DNAJB1: variants seen among roughly 807,000 people sequenced by gnomAD.
DNAJB1 encodes DnaJ heat shock protein family (Hsp40) member B1, also known as dnaJ homolog subfamily B member 1.
DNAJB1 carries 14 observed loss-of-function variants against 24.0 expected under a neutral mutation model. The observed-to-expected ratio is 0.58, with a 90% CI of 0.39 to 0.91. The LOEUF (loss-of-function observed/expected upper bound fraction) is 0.91. Among genes scored for constraint, DNAJB1 ranks in the 40% least tolerant of loss-of-function variants. DNAJB1 has a pLI of 0.00. For missense variants in DNAJB1, 517 were observed against 458.1 expected (o/e 1.13, Z -1.17); for synonymous variants, 262 against 174.4 (o/e 1.50, Z -3.96).
At chr19:14,548,181 G>C (rs12460210) in intron 1 of DNAJB1, among the ~76,000 whole-genome samples, 29,071 of 151,620 alleles carry the variant, frequency 0.19, 3,350 homozygotes, top group South Asian at 0.42. Flanking sequence ...CCAGGATCGT[G>C]TCGATCTCCT....
chr19:14,546,642 A>G (rs1352766064), intron 1 of DNAJB1, among the ~76,000 whole-genome samples: 2 of 152,052 alleles, frequency 1.3e-5, no homozygotes, highest in Non-Finnish European at 2.9e-5. Flanking sequence ...TTTTCTTTCT[A>G]TGCTTAGAAC....
chr19:14,522,922 G>A (rs1290609609), upstream of DNAJB1, among the ~76,000 whole-genome samples: 1 of 152,006 alleles, frequency 6.6e-6, no homozygotes, highest in African/African-American at 2.4e-5. Context: ...TTGGAGATAA[G>A]AGTAGATTAG....
upstream of DNAJB1, chr19:14,529,693 A>G: frequency 1.2e-6 from 2 of 1,614,046 alleles, no homozygotes; most frequent in East Asian, 4.5e-5. Context: ...CGTGGGAGGG[A>G]GCCATGAAGC....
chr19:14,529,680 C>T (rs1275266200), upstream of DNAJB1: 13 of 1,613,910 alleles, frequency 8.1e-6, no homozygotes, highest in Admixed American at 3.3e-5. Flanking sequence ...GAGCAGTAGC[C>T]GCCGTGGGAG....
At chr19:14,526,716 A>G (rs1032595460) in intron 2 of DNAJB1, among the ~76,000 whole-genome samples, 2 of 152,194 alleles carry the variant, frequency 1.3e-5, no homozygotes, top group African/African-American at 4.8e-5. Flanking sequence ...AATGACACCT[A>G]CTTGTACACC....
intron 1 of DNAJB1, among the ~76,000 whole-genome samples, chr19:14,542,447 C>T (rs867155691): frequency 1.3e-5 from 2 of 148,270 alleles, no homozygotes; most frequent in Non-Finnish European, 1.5e-5. Flanking sequence ...CTGCAACCTC[C>T]GCCTCCCGGG....
chr19:14,529,438 G>T (rs190489162), upstream of DNAJB1: 402 of 621,882 alleles, frequency 6.5e-4, no homozygotes, highest in African/African-American at 6.6e-3. Flanking sequence ...CGCCCCCTTC[G>T]ATTGGTCTCG....
intron 1 of DNAJB1, among the ~76,000 whole-genome samples, chr19:14,543,421 T>TA (rs1568406080): frequency 1.7e-3 from 12 of 6,902 alleles, no homozygotes; most frequent in African/African-American, 2.5e-3. Context: ...ATATATATAT[T>TA]TTTTTTTTTT....
chr19:14,534,996 G>A (rs888153759), intron 1 of DNAJB1, among the ~76,000 whole-genome samples: 1 of 152,058 alleles, frequency 6.6e-6, no homozygotes, highest in African/African-American at 2.4e-5. Context: ...AGGTGCTGCG[G>A]GTCAGTGTGG....
At chr19:14,543,304 G>A (rs1282055672) in intron 1 of DNAJB1, among the ~76,000 whole-genome samples, 5 of 63,412 alleles carry the variant, frequency 7.9e-5, no homozygotes, top group African/African-American at 2.4e-4. Context: ...GGGTGGGGGT[G>A]TGTGTGTGTG....
intron 1 of DNAJB1, among the ~76,000 whole-genome samples, chr19:14,538,199 C>A (rs2072973086): frequency 6.6e-6 from 1 of 152,186 alleles, no homozygotes; most frequent in African/African-American, 2.4e-5. Context: ...TGGGATTCTT[C>A]TAGAACCAGA....
At chr19:14,520,971 T>G (rs368695726), upstream of DNAJB1, among the ~76,000 whole-genome samples, 1 of 152,160 alleles carries the variant, frequency 6.6e-6, no homozygotes, top group Non-Finnish European at 1.5e-5. Context: ...CCAGCCTGGA[T>G]GACAGTGAGA....
At chr19:14,550,971 C>T (rs948333595), upstream of DNAJB1, among the ~76,000 whole-genome samples, 8 of 151,748 alleles carry the variant, frequency 5.3e-5, no homozygotes, top group Admixed American at 1.3e-4. Context: ...CACACCCGGC[C>T]GCTCCTTTTA....
chr19:14,533,492 T>A (rs764707182), upstream of DNAJB1, among the ~76,000 whole-genome samples: 1 of 152,142 alleles, frequency 6.6e-6, no homozygotes, highest in Non-Finnish European at 1.5e-5. Context: ...CAGTCTGTTG[T>A]CCACTGAAAG....
chr19:14,519,988 C>A (rs1308468289), upstream of DNAJB1, among the ~76,000 whole-genome samples: 1 of 152,142 alleles, frequency 6.6e-6, no homozygotes, highest in Non-Finnish European at 1.5e-5. Context: ...GTAACACTGG[C>A]TCTGGAACCA....
rs775122962 is a variant in DNAJB1 at position 14,516,503 on chromosome 19, G to A, written c.755C>T (p.Ser252Phe). The change falls in exon 2 of 3, where the codon TCT becomes TTT. Residue 252 changes from serine (S) to phenylalanine (F), a missense_variant. Coordinates refer to ENST00000254322, the MANE Select transcript of DNAJB1 (RefSeq NM_006145.3). ...KPHNIFKRDG[S>F]DVIYPARISL... ...GATCCTGGCAGGATAAATGACATCA[G>A]AGCCATCTCTCTTAAAGATATTGTG... The A allele has an allele frequency of 7.4e-6, 12 of 1,614,064 alleles. No individual in the cohort carries two copies. The highest frequency in any genetic ancestry group is 1.0e-5 in the Non-Finnish European group (12 of 1,179,918).
At chr19:14,529,697 A>G, upstream of DNAJB1, 4 of 1,614,106 alleles carry the variant, frequency 2.5e-6, no homozygotes, top group Non-Finnish European at 3.4e-6. Flanking sequence ...GGAGGGAGCC[A>G]TGAAGCATTA....
At chr19:14,518,461 C>A, upstream of DNAJB1, 3 of 846,976 alleles carry the variant, frequency 3.5e-6, no homozygotes, top group Non-Finnish European at 4.7e-6. Flanking sequence ...CCGCCAGCCC[C>A]CTCCAGAACC....
intron 1 of DNAJB1, among the ~76,000 whole-genome samples, chr19:14,546,614 A>C (rs991101946): frequency 9.9e-5 from 15 of 152,144 alleles, no homozygotes; most frequent in Non-Finnish European, 2.1e-4. Flanking sequence ...TGCATGCACT[A>C]CCGTGTCTAG....
Sources: allele counts gnomAD v4.1 joint callset (sites outside exome capture counted in the v4.1 genomes callset), GRCh38; gene constraint gnomAD v4.1.1; transcripts MANE v1.5; gene names NCBI Gene and HGNC (gene_info 2026-07-23, HGNC 2026-07-21).